Variants in CMYA5 observed in about 807,000 individuals in gnomAD.
CMYA5 encodes the protein cardiomyopathy associated 5.
In CMYA5, 246 loss-of-function variants were observed where a neutral mutation model predicts 318.9. The ratio of observed to expected loss-of-function variants is 0.77; its 90% CI spans 0.70 to 0.86. CMYA5 has a LOEUF of 0.86. Ranked by LOEUF, CMYA5 falls within the 40% of genes least tolerant of loss-of-function variation. The pLI, the probability that CMYA5 is intolerant of heterozygous loss-of-function variation, is 0.00. For missense variants in CMYA5, 4,589 were observed against 4,678.2 expected, an observed-to-expected ratio of 0.98 and a Z score of 0.56; for synonymous variants, 1,641 against 1,729.5, an observed-to-expected ratio of 0.95 and a Z score of 1.27.
chr5:79,762,021 A>G, intron 8 of CMYA5, 64 bp downstream of exon 8: 1 of 1,518,084 alleles, frequency 6.6e-7, no homozygotes, highest in East Asian at 2.3e-5. Context: ...GACTCTTGAG[A>G]TCAGCCAGTA....
chr5:79,768,652 C>T (rs896264853), intron 9 of CMYA5, among the ~76,000 whole-genome samples: 3 of 152,228 alleles, frequency 2.0e-5, no homozygotes, highest in Non-Finnish European at 4.4e-5. Flanking sequence ...ACGGTTTCTG[C>T]AAAGAGATCC....
intron 9 of CMYA5, among the ~76,000 whole-genome samples, chr5:79,778,811 C>CTGTGTGTGTGTGTGTGTGTGTGTATGTG (rs1828993232): frequency 2.9e-4 from 25 of 85,010 alleles, no homozygotes; most frequent in South Asian, 1.9e-3. Flanking sequence ...CTCTCTCTTT[C>CTGTGTGTGTGTGTGTGTGTGTGTATGTG]TGTGTGTGTG....
intron 5 of CMYA5, among the ~76,000 whole-genome samples, chr5:79,752,310 A>T (rs1828444798): frequency 6.6e-6 from 1 of 152,240 alleles, no homozygotes; most frequent in Non-Finnish European, 1.5e-5. Context: ...TTGAAGCCTC[A>T]GTGGGTATGA....
chr5:79,755,137 C>T (rs767471946), intron 6 of CMYA5, among the ~76,000 whole-genome samples: 1 of 152,146 alleles, frequency 6.6e-6, no homozygotes, highest in Non-Finnish European at 1.5e-5. Context: ...GTCACAGATT[C>T]CAAAGTCCAG....
At chr5:79,794,910 G>C (rs145288311) in intron 12 of CMYA5, among the ~76,000 whole-genome samples, 145 of 152,242 alleles carry the variant, frequency 9.5e-4, no homozygotes, top group African/African-American at 3.4e-3. Flanking sequence ...GATATTCAGT[G>C]CTGTGCAATG....
rs1828084839 is a variant in CMYA5 at position 79,736,912 on chromosome 5, T to G, written c.8147T>G (p.Leu2716Trp). ...QPRPLEESKV[L>W]VEKTKTFLPV... ...CGTCCTTTAGAAGAAAGTAAAGTTT[T>G]GGTGGAGAAAACTAAGACTTTCCTG... The change falls in exon 2 of 13, where the codon TTG becomes TGG. Residue 2716 changes from leucine to tryptophan, a missense_variant. Coordinates refer to ENST00000446378, the MANE Select transcript of CMYA5 (RefSeq NM_153610.5). 6.2e-7 allele frequency: 1 copy of G among 1,613,208 alleles called. No individual in the cohort carries two copies. The highest frequency in any genetic ancestry group is 8.5e-7 in the Non-Finnish European group (1 of 1,179,770).
In CMYA5 at chr5:79,733,044, A is replaced by T. The variant is rs1366814681; in HGVS notation, c.4279A>T (p.Ile1427Phe). The T allele has an allele frequency of 6.2e-7, 1 of 1,613,462 alleles. No individual in the cohort carries two copies. ...GGTGGCAATTAAAGGTGCTTCTCCC[A>T]TTGAAACTTCATCCAAACATTTAGC... is the stretch of plus-strand genomic sequence containing the variant. ...DKVAIKGASPIETSSKHLAWS... is the reference protein window; with the variant it reads ...DKVAIKGASPFETSSKHLAWS... Residue 1427 changes from isoleucine to phenylalanine, a missense_variant, in exon 2 of 13, where the codon ATT (isoleucine) becomes TTT (phenylalanine). Physicochemically the swap from Ile to Phe is conservative, Grantham distance 21. Around this residue, in one of 3 missense-constraint regions of CMYA5, gnomAD observed 2,132 missense variants for 2,131.3 expected, o/e 1.00. Transcript: ENST00000446378.
chr5:79,703,687 A>G (rs1827214451), intron 1 of CMYA5, among the ~76,000 whole-genome samples: 1 of 152,334 alleles, frequency 6.6e-6, no homozygotes, highest in East Asian at 1.9e-4. Context: ...ATGGAGGCAG[A>G]GATTCTCTTT....
At chr5:79,752,992 C>G (rs753900778) in intron 6 of CMYA5, among the ~76,000 whole-genome samples, 198 bp downstream of exon 6, 4 of 151,914 alleles carry the variant, frequency 2.6e-5, no homozygotes, top group Non-Finnish European at 4.4e-5. Context: ...GCATTTCCAT[C>G]TGAAGCTTTA....
rs747960521 is a variant in CMYA5 at position 79,739,095 on chromosome 5, G to T, written c.10330G>T (p.Glu3444Ter). Residue 3444 changes from glutamate (E) to a stop codon, truncating the protein, a stop_gained, in exon 2 of 13, where the codon GAA (glutamate) becomes TAA (stop). Transcript: ENST00000446378. LOFTEE classifies it high-confidence loss of function. ...CATATTATCAGAAGAACTGTCTTCA[G>T]AATCCACACCTGAAGATGTCTTATC... is the stretch of plus-strand genomic sequence containing the variant. ...QDILSEELSS[E>*]STPEDVLSQG... 6.2e-7 allele frequency: 1 copy of T among 1,613,888 alleles called. No individual in the cohort carries two copies. The highest frequency in any genetic ancestry group is 8.5e-7 in the Non-Finnish European group (1 of 1,179,856).
At chr5:79,745,981 T>C (rs1828314619) in intron 4 of CMYA5, among the ~76,000 whole-genome samples, 1 of 152,192 alleles carries the variant, frequency 6.6e-6, no homozygotes, top group Admixed American at 6.5e-5. Flanking sequence ...AGGGGTTTCT[T>C]GGGGACAGGA....
At chr5:79,713,130 T>C (rs1827430499) in intron 1 of CMYA5, among the ~76,000 whole-genome samples, 1 of 152,210 alleles carries the variant, frequency 6.6e-6, no homozygotes, top group Non-Finnish European at 1.5e-5. Flanking sequence ...GTGTCTTTTC[T>C]CACTCTTGAG....
Position 79,735,068 on chromosome 5 carries a change from A to G in CMYA5, c.6303A>G (p.Pro2101=). The change falls in exon 2 of 13, where the codon CCA becomes CCG. Residue 2101 remains proline (P), a synonymous_variant. Coordinates refer to ENST00000446378, the MANE Select transcript of CMYA5 (RefSeq NM_153610.5). Reference sequence around the variant, plus strand: ...CACCTCCTTTTCCTGAAGAGAAGCCATTGGAAGAATCAAAAATGGTTCAGT... The same window carrying G: ...CACCTCCTTTTCCTGAAGAGAAGCCGTTGGAAGAATCAAAAATGGTTCAGT... ...RSTPPFPEEK[P]LEESKMVQSK... is the part of the protein sequence containing the mutation. 6.2e-7 allele frequency: 1 copy of G among 1,613,872 alleles called. No individual in the cohort carries two copies. The highest frequency in any genetic ancestry group is 8.5e-7 in the Non-Finnish European group (1 of 1,179,820).
In CMYA5 at chr5:79,799,420, G is replaced by T. The variant is rs200589161; in HGVS notation, c.12014G>T (p.Arg4005Leu). 6.2e-6 allele frequency: 10 copies of T among 1,613,692 alleles called. No individual in the cohort carries two copies. Among genetic ancestry groups the T allele is most frequent in the Admixed American group, 1.7e-5 (1 of 60,018 alleles). The change falls in exon 13 of 13, where the codon CGT (arginine) becomes CTT (leucine). Residue 4005 changes from arginine to leucine, a missense_variant. Arg to Leu is a moderately radical substitution (Grantham distance 102, BLOSUM62 -2). This residue lies in a region of CMYA5 where 2,431 missense variants were observed against 2,495.1 expected (regional missense o/e 0.97). Transcript: ENST00000446378. ...GIVSDVHVTE[R>L]PARVGILLDY... ...GTGAGTGATGTTCATGTGACTGAGC[G>T]TCCAGCCAGAGTGGGCATCCTGCTG...
At chr5:79,722,863 A>G (rs1827668147) in intron 1 of CMYA5, among the ~76,000 whole-genome samples, 1 of 152,030 alleles carries the variant, frequency 6.6e-6, no homozygotes, top group African/African-American at 2.4e-5. Flanking sequence ...AAACATTTAG[A>G]TGAAATAGAT....
rs1044629719 is a variant in CMYA5, at chr5:79,763,087, TG to T, written c.11434del (p.Glu3812ArgfsTer51). 50 of 1,613,766 alleles carry T rather than the reference TG, an allele frequency of 3.1e-5. No homozygotes were observed. The highest frequency in any genetic ancestry group is 3.9e-5 in the Non-Finnish European group (46 of 1,179,866). The stretch of plus-strand genomic sequence containing the variant: ...CACCCTCCACCCCTGTGATCCGCGC[TG>T]AGGACTGTACTGTGTGTTGGAACAC... ...TAPSTPVIRA[E>X]DCTVCWNTAT... On this transcript the variant is annotated frameshift_variant, in exon 9 of 13. Transcript: ENST00000446378. LOFTEE classifies it high-confidence loss of function.
chr5:79,753,695 A>C (rs1828474962), intron 6 of CMYA5, among the ~76,000 whole-genome samples: 1 of 141,134 alleles, frequency 7.1e-6, no homozygotes, highest in Non-Finnish European at 1.6e-5. Flanking sequence ...GTTTTAATTT[A>C]GTAACTACTA....
At chr5:79,714,433 T>TTTTCTTTC (rs1554032484) in intron 1 of CMYA5, among the ~76,000 whole-genome samples, 5 of 138,892 alleles carry the variant, frequency 3.6e-5, no homozygotes, top group East Asian at 2.1e-4. Context: ...TTCTTTTTCT[T>TTTTCTTTC]TTTTTTTTTT....
intron 1 of CMYA5, among the ~76,000 whole-genome samples, chr5:79,728,193 C>T (rs999768384): frequency 2.0e-5 from 3 of 152,082 alleles, no homozygotes; most frequent in South Asian, 2.1e-4. Flanking sequence ...ACTCAGAGTT[C>T]CCAAGATCTA....
Sources: gnomAD v4.1 joint callset for allele counts (sites outside exome capture counted in the v4.1 genomes callset) on GRCh38, gnomAD v4.1.1 for gene constraint, gnomAD v4.1.1 regional missense constraint, MANE v1.5 for transcripts, NCBI Gene and HGNC (gene_info 2026-07-23, HGNC 2026-07-21) for gene names.